EYS: variants seen among roughly 807,000 people sequenced by gnomAD.
EYS encodes EGF-like photoreceptor maintenance factor.
Under a neutral mutation model 282.1 loss-of-function variants are expected in EYS, and 250 were observed. That is an observed-to-expected ratio of 0.89 (90% CI 0.80 to 0.98). EYS has a LOEUF of 0.98. EYS is among the 50% of genes least tolerant of loss of function. The pLI is 0.00. For synonymous variants in EYS, 1,355 were observed against 1,282.9 expected, an observed-to-expected ratio of 1.06 and a Z score of -1.20; for missense variants, 4,016 against 3,709.0, an observed-to-expected ratio of 1.08 and a Z score of -2.15.
At chr6:65,546,586 G>GT (rs1281504651) in intron 2 of EYS, among the ~76,000 whole-genome samples, 1 of 149,118 alleles carries the variant, frequency 6.7e-6, no homozygotes, top group Admixed American at 6.7e-5. Context: ...TTTTTTGTTT[G>GT]TTTTTTGTTT....
intron 2 of EYS, among the ~76,000 whole-genome samples, chr6:65,525,920 C>T (rs766269287): frequency 6.6e-6 from 1 of 152,182 alleles, no homozygotes; most frequent in Non-Finnish European, 1.5e-5. Flanking sequence ...TAATTACATA[C>T]ATGGCAGTGA....
chr6:63,762,654 G>C (rs564360565), intron 40 of EYS, 21 bp from the exon 41 acceptor site: 2 of 1,546,978 alleles, frequency 1.3e-6, no homozygotes, highest in African/African-American at 1.4e-5. Flanking sequence ...AGAGAAAGCC[G>C]CATGGTTTGA....
chr6:64,193,293 T>C (rs1353749151), intron 31 of EYS, among the ~76,000 whole-genome samples: 2 of 152,048 alleles, frequency 1.3e-5, no homozygotes, highest in African/African-American at 4.8e-5. Context: ...GTGTCTTACA[T>C]AGAATGAGTT....
chr6:64,353,337 T>C (rs622037), intron 29 of EYS, among the ~76,000 whole-genome samples: 108,578 of 151,338 alleles, frequency 0.72, 39,164 homozygotes, highest in African/African-American at 0.79. Context: ...AGCAATCCTG[T>C]GAGCACTAAA....
chr6:65,472,490 T>C (rs1765251847), intron 5 of EYS, among the ~76,000 whole-genome samples: 1 of 152,092 alleles, frequency 6.6e-6, no homozygotes, highest in African/African-American at 2.4e-5. Context: ...CAGTTACAAA[T>C]TTGATGAGCT....
intron 22 of EYS, among the ~76,000 whole-genome samples, chr6:64,786,291 G>A (rs924517561): frequency 6.6e-6 from 1 of 151,790 alleles, no homozygotes; most frequent in Non-Finnish European, 1.5e-5. Flanking sequence ...GAGACAGAGG[G>A]GTGGGCACTC....
rs186495612 is a variant in EYS, at chr6:64,690,647, G to A, written c.3444-64402C>T. On this transcript the variant is annotated intron_variant, in intron 22 of 42. Transcript: ENST00000503581. ...AATATACAACATGGAATACTATGCAGCCATAAAAAGGATGAGTTTATGTCC... is the reference window on the plus strand; with the variant it reads ...AATATACAACATGGAATACTATGCAACCATAAAAAGGATGAGTTTATGTCC... 8.0e-3 allele frequency among the ~76,000 whole-genome samples: 1,225 copies of A among 152,252 alleles called. 25 individuals are homozygous for A. The highest frequency in any genetic ancestry group is 0.028 in the African/African-American group (1,153 of 41,544).
chr6:64,196,504 A>C (rs1315761669), intron 31 of EYS, among the ~76,000 whole-genome samples: 1 of 151,914 alleles, frequency 6.6e-6, no homozygotes, highest in South Asian at 2.1e-4. Context: ...CAAATGTCCA[A>C]CAATGATAGA....
At chr6:65,644,176 A>G (rs1490437494) in intron 1 of EYS, among the ~76,000 whole-genome samples, 3 of 152,170 alleles carry the variant, frequency 2.0e-5, no homozygotes, top group African/African-American at 7.2e-5. Context: ...AACATGATAC[A>G]GGTTATTAAA....
intron 12 of EYS, among the ~76,000 whole-genome samples, chr6:65,286,601 G>A (rs1768374679): frequency 6.6e-6 from 1 of 151,612 alleles, no homozygotes; most frequent in African/African-American, 2.4e-5. Context: ...ATAAGTTATA[G>A]AAATGAATAC....
At chr6:64,005,074 C>A (rs1768279834) in intron 33 of EYS, among the ~76,000 whole-genome samples, 1 of 152,218 alleles carries the variant, frequency 6.6e-6, no homozygotes. Context: ...AACTTACATT[C>A]CCTGCAGCAG....
chr6:65,229,943 A>G (rs1460967961), intron 12 of EYS, among the ~76,000 whole-genome samples: 2 of 151,990 alleles, frequency 1.3e-5, no homozygotes, highest in Middle Eastern at 3.2e-3. Context: ...TGACACATAC[A>G]TAAATAATCC....
At chr6:64,345,313 A>G (rs1040969212) in intron 29 of EYS, among the ~76,000 whole-genome samples, 2 of 152,200 alleles carry the variant, frequency 1.3e-5, no homozygotes, top group South Asian at 2.1e-4. Context: ...CTATGAGGCT[A>G]CAGTAACCAA....
At chr6:64,380,871 C>T (rs2150419672) in intron 29 of EYS, among the ~76,000 whole-genome samples, 1 of 151,950 alleles carries the variant, frequency 6.6e-6, no homozygotes, top group East Asian at 1.9e-4. Context: ...AAAAAGCAGC[C>T]AGGAGTGGTG....
At chr6:65,056,688 T>C (rs1187328222) in intron 13 of EYS, among the ~76,000 whole-genome samples, 2 of 152,118 alleles carry the variant, frequency 1.3e-5, no homozygotes, top group African/African-American at 4.8e-5. Flanking sequence ...TGAATTGATA[T>C]CCCACCTGCC....
intron 19 of EYS, among the ~76,000 whole-genome samples, chr6:64,862,978 A>G (rs1766298081): frequency 6.6e-6 from 1 of 152,088 alleles, no homozygotes; most frequent in Non-Finnish European, 1.5e-5. Context: ...AATTCTGGAT[A>G]TGTTGTTTTC....
At chr6:64,053,158 A>G (rs1229102551) in intron 33 of EYS, among the ~76,000 whole-genome samples, 1 of 152,114 alleles carries the variant, frequency 6.6e-6, no homozygotes, top group African/African-American at 2.4e-5. Flanking sequence ...TTTATAGATG[A>G]CATACCAATT....
chr6:65,591,000 G>A (rs1765212788), intron 2 of EYS, among the ~76,000 whole-genome samples: 1 of 151,758 alleles, frequency 6.6e-6, no homozygotes, highest in Non-Finnish European at 1.5e-5. Context: ...CCCAGTGCTG[G>A]GATTGCTATA....
intron 31 of EYS, among the ~76,000 whole-genome samples, chr6:64,135,207 T>A (rs1774118740): frequency 6.9e-6 from 1 of 144,630 alleles, no homozygotes. Context: ...TCAACAGTAG[T>A]GGTGCTTTTT....
Sources: gnomAD v4.1 joint callset for allele counts (sites outside exome capture counted in the v4.1 genomes callset) on GRCh38, gnomAD v4.1.1 for gene constraint, MANE v1.5 for transcripts, NCBI Gene and HGNC (gene_info 2026-07-23, HGNC 2026-07-21) for gene names.